COASY: variants seen among roughly 807,000 people sequenced by gnomAD.
COASY encodes the protein Coenzyme A synthase, also known as bifunctional coenzyme A synthase.
COASY carries 31 observed loss-of-function variants against 49.4 expected under a neutral mutation model. The ratio of observed to expected loss-of-function variants is 0.63; its 90% confidence interval spans 0.47 to 0.85. The LOEUF (loss-of-function observed/expected upper bound fraction) is 0.85. Among genes scored for constraint, COASY ranks in the 40% least tolerant of loss-of-function variants. COASY has a pLI of 0.00. For missense variants in COASY, 730 were observed against 734.1 expected, an observed-to-expected ratio of 0.99 and a Z score of 0.06; for synonymous variants, 285 against 310.9, an observed-to-expected ratio of 0.92 and a Z score of 0.88.
chr17:42,565,573 C>T lies in COASY; in HGVS notation c.1485+5C>T. 6.2e-7 allele frequency: 1 copy of T among 1,614,138 alleles called. No individual in the cohort carries two copies. The highest frequency in any genetic ancestry group is 1.3e-5 in the African/African-American group (1 of 75,032). On this transcript the variant is annotated splice_donor_5th_base_variant and intron_variant, in intron 7 of 8. Transcript: ENST00000393818. ...GCTGTCATCCCAGAGACTGAGGTAT[C>T]TCGCCCCACCCCCCACACCATCCCT... is the stretch of plus-strand genomic sequence containing the variant.
In COASY at chr17:42,565,954, C is replaced by A. The variant is rs763154184; in HGVS notation, c.1681C>A (p.Gln561Lys). 6.2e-7 allele frequency: 1 copy of A among 1,613,896 alleles called. No individual in the cohort carries two copies. ...GCAGAAGCGCATTCCCAAGACTCAT[C>A]AGGCCCTCGACTGAAAAGTTCTCAG... ...LLQKRIPKTH[Q>K]ALD Residue 561 changes from glutamine to lysine, a missense_variant, in exon 9 of 9, where the codon CAG becomes AAG. Gln to Lys is a moderately conservative substitution (Grantham distance 53). Coordinates refer to ENST00000393818, the MANE Select transcript of COASY (RefSeq NM_025233.7).
At chr17:42,564,383 G>A (rs921896523) in intron 2 of COASY, 63 bp from the exon 3 acceptor site, 1 of 1,608,838 alleles carries the variant, frequency 6.2e-7, no homozygotes, top group East Asian at 2.2e-5. Context: ...GGGGCAGGTT[G>A]GATGTCAGGG....
rs373422876 is a variant in COASY, at chr17:42,563,160, G to A, written c.538G>A (p.Val180Met). The part of the protein sequence containing the change: ...LPSTIRPASP[V>M]AGSPKQPVRG... Reference sequence around the variant, plus strand: ...CTCCACGATCAGGCCAGCTTCCCCCGTGGCCGGGTCTCCAAAGCAGCCGGT... The same window carrying A: ...CTCCACGATCAGGCCAGCTTCCCCCATGGCCGGGTCTCCAAAGCAGCCGGT... Residue 180 changes from valine to methionine, a missense_variant, in exon 1 of 9, where the codon GTG becomes ATG. By Grantham distance (21) the Val-to-Met change is conservative. Transcript: ENST00000393818. The A allele has an allele frequency of 8.1e-6, 13 of 1,613,926 alleles. No individual in the cohort carries two copies. The highest frequency in any genetic ancestry group is 1.1e-5 in the South Asian group (1 of 91,084).
At position 42,566,195 on chromosome 17, in the gene COASY, C is replaced by A; in HGVS notation, c.*227C>A. The A allele has an allele frequency of 5.1e-6, 3 of 582,794 alleles. No individual in the cohort carries two copies. The highest frequency in any genetic ancestry group is 4.0e-5 in the South Asian group (2 of 49,900). 36.1% of individuals were successfully genotyped at this position (582,794 alleles called of 1,614,324 possible). A position where few individuals can be genotyped will look rare whatever the true frequency, so the allele number is the denominator to read the frequency against. On this transcript the variant is annotated 3_prime_UTR_variant, in exon 9 of 9. Coordinates refer to ENST00000393818, the MANE Select transcript of COASY (RefSeq NM_025233.7). ...GAGCAGTCCCCTCCCCACTCTTGCC[C>A]ATGGGTGACTCTTACCCACAGCTGA... is the stretch of plus-strand genomic sequence containing the variant.
chr17:42,562,962 G>T lies in COASY; in HGVS notation c.340G>T (p.Val114Leu), dbSNP rs768990950. 1.2e-6 allele frequency: 2 copies of T among 1,613,832 alleles called. No individual in the cohort carries two copies. The highest frequency in any genetic ancestry group is 8.5e-7 in the Non-Finnish European group (1 of 1,179,914). Residue 114 changes from valine (V) to leucine (L), a missense_variant, in exon 1 of 9, where the codon GTG (valine) becomes TTG (leucine). By Grantham distance (32) the Val-to-Leu change is conservative. Transcript: ENST00000393818. Reference protein sequence around the residue: ...VQNLAHPPEVVLTDFQTLDGS... With the variant: ...VQNLAHPPEVLLTDFQTLDGS... The stretch of plus-strand genomic sequence containing the variant: ...GAATCTCGCCCACCCGCCAGAAGTC[G>T]TGTTGACAGATTTCCAGACCCTGGA...
chr17:42,563,228 C>T lies in COASY; in HGVS notation c.606C>T (p.Arg202=), dbSNP rs137943833. The T allele has an allele frequency of 2.5e-6, 4 of 1,613,382 alleles. No homozygotes were observed. In the African/African-American group the frequency reaches 5.3e-5, roughly 22 times the overall value. ...GCGCTGTCGGTGGCACGTTTGACCGCCTGCACAACGCCCACAAGGTGTTGC... is the reference window on the plus strand; with the variant it reads ...GCGCTGTCGGTGGCACGTTTGACCGTCTGCACAACGCCCACAAGGTGTTGC... ...YRGAVGGTFD[R]LHNAHKVLLS... The change falls in exon 1 of 9, where the codon CGC becomes CGT. Residue 202 remains arginine (R), a synonymous_variant. Coordinates refer to ENST00000393818, the MANE Select transcript of COASY (RefSeq NM_025233.7).
At chr17:42,563,366 C>T in intron 1 of COASY, 44 bp downstream of exon 1, 6 of 1,511,746 alleles carry the variant, frequency 4.0e-6, no homozygotes, top group South Asian at 1.2e-5. Flanking sequence ...ATCCCCAAAT[C>T]TCCCCACCCC....
At position 42,563,297 on chromosome 17, in the gene COASY, A is replaced by G; in HGVS notation, c.675A>G (p.Gly225=). The change falls in exon 1 of 9, where the codon GGA becomes GGG. Residue 225 remains glycine, a synonymous_variant. Transcript: ENST00000393818. The part of the protein sequence containing the change: ...CILAQEQLVV[G]VADKDLLKSK... ...TGGCCCAGGAGCAGCTTGTGGTGGG[A>G]GTAGCAGACAAAGATCTGTTGAAGA... 6.3e-7 allele frequency: 1 copy of G among 1,598,894 alleles called. No homozygotes were observed. Among genetic ancestry groups the G allele is most frequent in the Non-Finnish European group, 8.5e-7 (1 of 1,174,946 alleles).
Position 42,563,922 on chromosome 17 carries a change from A to G in COASY, c.701-39A>G, listed in dbSNP as rs3752386. 1.4e-4 allele frequency: 221 copies of G among 1,530,232 alleles called. 1 individual carries two copies. Among genetic ancestry groups the G allele is most frequent in the South Asian group, 6.0e-4 (50 of 82,978 alleles). 94.8% of individuals were successfully genotyped at this position (1,530,232 alleles called of 1,614,324 possible). On this transcript the variant is annotated intron_variant, in intron 1 of 8. Transcript: ENST00000393818. ...AAACTGGCCCATACTCTCCTCCCCAATAAAAAGATCTCACTGTTCTTCTGG... is the reference window on the plus strand; with the variant it reads ...AAACTGGCCCATACTCTCCTCCCCAGTAAAAAGATCTCACTGTTCTTCTGG...
chr17:42,565,464 C>A lies in COASY; in HGVS notation c.1388-7C>A. On this transcript the variant is annotated splice_polypyrimidine_tract_variant and splice_region_variant and intron_variant, in intron 6 of 8. Transcript: ENST00000393818. ...CACTGCTGGCGGTGACTGGGGTCTCCCCACAGGAAAGCGTGTGTGTGTGAT... is the reference window on the plus strand; with the variant it reads ...CACTGCTGGCGGTGACTGGGGTCTCACCACAGGAAAGCGTGTGTGTGTGAT... 1 of 1,614,122 alleles carries A rather than the reference C, an allele frequency of 6.2e-7. No individual in the cohort carries two copies. The highest frequency in any genetic ancestry group is 8.5e-7 in the Non-Finnish European group (1 of 1,179,998).
chr17:42,564,280 C>A, intron 2 of COASY, 105 bp downstream of exon 2: 1 of 1,451,048 alleles, frequency 6.9e-7, no homozygotes, highest in Non-Finnish European at 9.6e-7. Flanking sequence ...GAAGTGGGGG[C>A]TCAGGGTGGT....
At position 42,562,985 on chromosome 17, in the gene COASY, G is replaced by C; in HGVS notation, c.363G>C (p.Leu121=). The change falls in exon 1 of 9, where the codon CTG becomes CTC. Residue 121 remains leucine (L), a synonymous_variant. Coordinates refer to ENST00000393818, the MANE Select transcript of COASY (RefSeq NM_025233.7). ...TCGTGTTGACAGATTTCCAGACCCT[G>C]GATGGAAGCCAGTACAACCCGGTCA... ...PEVVLTDFQT[L]DGSQYNPVKQ... is the part of the protein sequence containing the mutation. 4 of 1,614,142 alleles carry C rather than the reference G, an allele frequency of 2.5e-6. No individual in the cohort carries two copies. Among genetic ancestry groups the C allele is most frequent in the Admixed American group, 1.7e-5 (1 of 60,028 alleles).
Position 42,565,950 on chromosome 17 carries a change from T to C in COASY, c.1677T>C (p.Thr559=). 1 of 1,613,812 alleles carries C rather than the reference T, an allele frequency of 6.2e-7. No homozygotes were observed. The highest frequency in any genetic ancestry group is 8.5e-7 in the Non-Finnish European group (1 of 1,180,018). The change falls in exon 9 of 9, where the codon ACT becomes ACC. Residue 559 remains threonine (T), a synonymous_variant. Coordinates refer to ENST00000393818, the MANE Select transcript of COASY (RefSeq NM_025233.7). The stretch of plus-strand genomic sequence containing the variant: ...TCTTGCAGAAGCGCATTCCCAAGAC[T>C]CATCAGGCCCTCGACTGAAAAGTTC... ...WALLQKRIPK[T]HQALD is the part of the protein sequence containing the mutation.
rs1451084593 is a variant in COASY at position 42,566,125 on chromosome 17, C to T, written c.*157C>T. The T allele has an allele frequency of 1.4e-6, 1 of 728,374 alleles. No individual in the cohort carries two copies. The highest frequency in any genetic ancestry group is 2.6e-5 in the East Asian group (1 of 38,160). 45.1% of individuals were successfully genotyped at this position (728,374 alleles called of 1,614,324 possible). On this transcript the variant is annotated 3_prime_UTR_variant, in exon 9 of 9. Coordinates refer to ENST00000393818, the MANE Select transcript of COASY (RefSeq NM_025233.7). ...GCCTGGTGGACACAGGAAGCCTACC[C>T]AACACGCTGGTATTTGGCCAACACT...
rs150098326 is a variant in COASY at position 42,565,800 on chromosome 17, C to A, written c.1627C>A (p.Arg543Ser). ...STLWEPHITQ[R>S]QVEKAWALLQ... ...CTTGTGGGAGCCGCATATCACCCAA[C>A]GCCAGGTTGGTGCCCAGGGCAAGGC... is the stretch of plus-strand genomic sequence containing the variant. Residue 543 changes from arginine (R) to serine (S), a missense_variant, in exon 8 of 9, where the codon CGC becomes AGC. By Grantham distance (110) the Arg-to-Ser change is moderately radical. Transcript: ENST00000393818. 2 of 1,613,910 alleles carry A rather than the reference C, an allele frequency of 1.2e-6. No homozygotes were observed. Among genetic ancestry groups the A allele is most frequent in the East Asian group, 2.2e-5 (1 of 44,892 alleles).
Position 42,562,155 on chromosome 17 carries a change from C to T in COASY, c.-468C>T, listed in dbSNP as rs1462590921. 9 of 484,280 alleles carry T rather than the reference C, an allele frequency of 1.9e-5. No homozygotes were observed. Among genetic ancestry groups the T allele is most frequent in the Non-Finnish European group, 3.3e-5 (9 of 272,678 alleles). 30.0% of individuals were successfully genotyped at this position (484,280 alleles called of 1,614,324 possible). A position where few individuals can be genotyped will look rare whatever the true frequency, so the allele number is the denominator to read the frequency against. On this transcript the variant is annotated 5_prime_UTR_variant, in exon 1 of 9. Coordinates refer to ENST00000393818, the MANE Select transcript of COASY (RefSeq NM_025233.7). ...CCGAGTTGCGGTTTCTCCGTTAGTGCTTCCGGGTTGCAGCCAGGGAAGCCT... is the reference window on the plus strand; with the variant it reads ...CCGAGTTGCGGTTTCTCCGTTAGTGTTTCCGGGTTGCAGCCAGGGAAGCCT...
chr17:42,563,638 C>T (rs1397928590), intron 1 of COASY: 7 of 514,960 alleles, frequency 1.4e-5, no homozygotes, highest in Admixed American at 3.7e-5. Flanking sequence ...GTAGCAGTGC[C>T]ACAGACAGGA....
chr17:42,565,681 GGGAT>G lies in COASY; in HGVS notation c.1511_1514del (p.Asp504AlafsTer15). On this transcript the variant is annotated frameshift_variant, in exon 8 of 9. Transcript: ENST00000393818. LOFTEE classifies it high-confidence loss of function. ...CAGGCTGTAAGACGCATTGTGGAGA[GGGAT>G]GGCCTCAGTGAAGCCGCGGCTCAAA... 6.2e-7 allele frequency: 1 copy of G among 1,614,136 alleles called. No homozygotes were observed. The highest frequency in any genetic ancestry group is 8.5e-7 in the Non-Finnish European group (1 of 1,180,044).
chr17:42,563,861 C>A (rs188130770), intron 1 of COASY, 100 bp from the exon 2 acceptor site: 7 of 910,958 alleles, frequency 7.7e-6, no homozygotes, highest in Non-Finnish European at 5.1e-6. Flanking sequence ...TCTGCCACCC[C>A]CTCTGGGGAT....
Sources: gnomAD v4.1 joint callset for allele counts on GRCh38, gnomAD v4.1.1 for gene constraint, MANE v1.5 for transcripts, NCBI Gene and HGNC (gene_info 2026-07-23, HGNC 2026-07-21) for gene names.